DYNC1I1: variants seen among roughly 807,000 people sequenced by gnomAD.
DYNC1I1 encodes cytoplasmic dynein 1 intermediate chain 1.
In DYNC1I1, 43 loss-of-function variants were observed where a neutral mutation model predicts 86.6. That is an observed-to-expected ratio of 0.50 (90% CI 0.39 to 0.64). The LOEUF is 0.64. Among genes scored for constraint, DYNC1I1 ranks in the 30% least tolerant of loss-of-function variants. DYNC1I1 has a pLI of 0.00. For synonymous variants in DYNC1I1, 262 were observed against 283.7 expected (o/e 0.92, Z 0.77); for missense variants, 604 against 788.8 (o/e 0.77, Z 2.81).
chr7:95,906,595 A>T (rs1791183706), intron 6 of DYNC1I1, among the ~76,000 whole-genome samples: 1 of 146,546 alleles, frequency 6.8e-6, no homozygotes, highest in Non-Finnish European at 1.5e-5. Flanking sequence ...ATTAGCCTTA[A>T]TTTTTTTTTC....
chr7:95,813,093 CTT>C (rs11452827), intron 3 of DYNC1I1, 152 bp from the exon 4 acceptor site: 3,319 of 1,105,664 alleles, frequency 3.0e-3, no homozygotes, highest in South Asian at 5.3e-3. Flanking sequence ...CTTTTCTTTC[CTT>C]TTTTTTTTTT....
chr7:96,070,955 T>C (rs1292469917), intron 14 of DYNC1I1, among the ~76,000 whole-genome samples: 2 of 152,216 alleles, frequency 1.3e-5, no homozygotes, highest in Middle Eastern at 6.3e-3. Context: ...AGACATATAT[T>C]TATAAAACTA....
At position 96,082,265 on chromosome 7, in the gene DYNC1I1, G is replaced by A. The variant is rs181157382; in HGVS notation, c.1776+1777G>A. 9.5e-4 allele frequency among the ~76,000 whole-genome samples: 138 copies of A among 145,650 alleles called. 11 individuals carry two copies. Among genetic ancestry groups the A allele is most frequent in the Non-Finnish European group, 4.5e-5 (3 of 66,854 alleles). On this transcript the variant is annotated intron_variant, in intron 16 of 16. Coordinates refer to ENST00000447467, the MANE Select transcript of DYNC1I1 (RefSeq NM_001135556.2). ...TGGTCACTTCCTAAAAAATAAAAAA[G>A]AGCAAAGGAGAATGTTAAAAAAAAA...
At chr7:95,871,917 A>T (rs546399611) in intron 6 of DYNC1I1, among the ~76,000 whole-genome samples, 2 of 152,314 alleles carry the variant, frequency 1.3e-5, no homozygotes, top group East Asian at 3.9e-4. Context: ...ACAATACAGA[A>T]CCCAAAGCTA....
intron 6 of DYNC1I1, among the ~76,000 whole-genome samples, chr7:95,893,423 G>A (rs1790797140): frequency 6.6e-6 from 1 of 152,118 alleles, no homozygotes; most frequent in Non-Finnish European, 1.5e-5. Context: ...TATATTAAAG[G>A]GTTTCTTTAG....
At chr7:95,868,110 C>G (rs1412171720) in intron 5 of DYNC1I1, among the ~76,000 whole-genome samples, 1 of 152,150 alleles carries the variant, frequency 6.6e-6, no homozygotes, top group African/African-American at 2.4e-5. Context: ...TCAGCCTGGG[C>G]CCAGCCTGGA....
chr7:96,029,127 T>C (rs1372857993), intron 11 of DYNC1I1, among the ~76,000 whole-genome samples: 1 of 152,176 alleles, frequency 6.6e-6, no homozygotes, highest in Non-Finnish European at 1.5e-5. Flanking sequence ...TCAAAAGCAC[T>C]CTGGCATGAA....
At chr7:95,816,493 A>T (rs1338577024) in intron 4 of DYNC1I1, among the ~76,000 whole-genome samples, 4 of 152,160 alleles carry the variant, frequency 2.6e-5, no homozygotes, top group Non-Finnish European at 5.9e-5. Flanking sequence ...TCTCATTTAC[A>T]ACTTATACTT....
intron 14 of DYNC1I1, among the ~76,000 whole-genome samples, chr7:96,053,326 C>T (rs1242926519): frequency 2.6e-5 from 4 of 152,206 alleles, no homozygotes; most frequent in Non-Finnish European, 4.4e-5. Flanking sequence ...TGCCACACGA[C>T]CTCATCTGGA....
intron 6 of DYNC1I1, among the ~76,000 whole-genome samples, chr7:95,972,114 G>A (rs183772890): frequency 2.0e-5 from 3 of 152,224 alleles, no homozygotes; most frequent in African/African-American, 2.4e-5. Flanking sequence ...GCCTTGTGTC[G>A]TTGAGGGTTC....
At chr7:95,847,090 C>G (rs2116046559) in intron 5 of DYNC1I1, among the ~76,000 whole-genome samples, 1 of 152,306 alleles carries the variant, frequency 6.6e-6, no homozygotes. Context: ...TTTATGTCTT[C>G]CAGTTACACC....
Position 95,931,421 on chromosome 7 carries a change from T to TTACAGGC in DYNC1I1, c.491-46090_491-46084dup, listed in dbSNP as rs571560904. On this transcript the variant is annotated intron_variant, in intron 6 of 16. Coordinates refer to ENST00000447467, the MANE Select transcript of DYNC1I1 (RefSeq NM_001135556.2). Reference sequence around the variant, plus strand: ...CACTCGGCCTCTCAAAGTGCTGGGATTACAGGCGTGAGCCACTGCGCCCGG... The same window carrying TTACAGGC: ...CACTCGGCCTCTCAAAGTGCTGGGATTACAGGCTACAGGCGTGAGCCACTGCGCCCGG... 3.3e-3 allele frequency among the ~76,000 whole-genome samples: 510 copies of TTACAGGC among 152,348 alleles called. 3 individuals carry two copies. Among genetic ancestry groups the TTACAGGC allele is most frequent in the African/African-American group, 0.012 (488 of 41,592 alleles).
At chr7:95,789,364 A>G (rs1459135718) in intron 1 of DYNC1I1, among the ~76,000 whole-genome samples, 1 of 152,252 alleles carries the variant, frequency 6.6e-6, no homozygotes, top group Non-Finnish European at 1.5e-5. Flanking sequence ...ATGGTCCTGC[A>G]TTTCAGGCAG....
intron 6 of DYNC1I1, among the ~76,000 whole-genome samples, chr7:95,928,705 A>C (rs1243839237): frequency 1.3e-5 from 2 of 152,146 alleles, no homozygotes; most frequent in Non-Finnish European, 2.9e-5. Context: ...CTTTTAAAAG[A>C]CTTTTTACTG....
intron 5 of DYNC1I1, among the ~76,000 whole-genome samples, chr7:95,858,337 G>A (rs892824205): frequency 6.6e-6 from 1 of 152,138 alleles, no homozygotes; most frequent in African/African-American, 2.4e-5. Flanking sequence ...TCAAGCACAA[G>A]AGAAAATGAT....
At chr7:95,801,942 C>T (rs911451397) in intron 1 of DYNC1I1, among the ~76,000 whole-genome samples, 1 of 152,160 alleles carries the variant, frequency 6.6e-6, no homozygotes, top group African/African-American at 2.4e-5. Flanking sequence ...GTGGATCTAC[C>T]TCCTGAGGAC....
At chr7:96,053,799 G>A (rs1789479033) in intron 14 of DYNC1I1, among the ~76,000 whole-genome samples, 1 of 151,894 alleles carries the variant, frequency 6.6e-6, no homozygotes, top group Admixed American at 6.6e-5. Flanking sequence ...TCTCACATAT[G>A]TTAGTTTCCT....
Position 95,886,227 on chromosome 7 carries a change from G to A in DYNC1I1, c.490+16229G>A, listed in dbSNP as rs75548484. Among the ~76,000 whole-genome samples the A allele has an allele frequency of 6.6e-3, 1,000 of 152,236 alleles. 11 individuals carry two copies. The highest frequency in any genetic ancestry group is 0.022 in the African/African-American group (928 of 41,526). ...GAGGCAGGCAGATCACTTGAGGCTA[G>A]GAAAACAAGACCAGGCTGGCCAACA... On this transcript the variant is annotated intron_variant, in intron 6 of 16. Transcript: ENST00000447467.
intron 6 of DYNC1I1, among the ~76,000 whole-genome samples, chr7:95,944,529 T>C (rs1792338080): frequency 6.6e-6 from 1 of 152,184 alleles, no homozygotes; most frequent in South Asian, 2.1e-4. Flanking sequence ...ACTGGGTATA[T>C]ACCCAAAGGA....
Sources: gnomAD v4.1 joint callset for allele counts (sites outside exome capture counted in the v4.1 genomes callset) on GRCh38, gnomAD v4.1.1 for gene constraint, MANE v1.5 for transcripts, NCBI Gene and HGNC (gene_info 2026-07-23, HGNC 2026-07-21) for gene names.